Variants in SCN11A observed in about 807,000 individuals in gnomAD.
SCN11A encodes sodium channel protein type 11 subunit alpha.
Under a neutral mutation model 162.2 loss-of-function variants are expected in SCN11A, and 122 were observed. The observed-to-expected ratio is 0.75, with a 90% confidence interval of 0.65 to 0.87. SCN11A has a LOEUF of 0.87. Ranked by LOEUF, SCN11A falls within the 40% of genes least tolerant of loss-of-function variation. The probability of loss-of-function intolerance (pLI) is 0.00; values close to 1 mark genes in which losing one functional copy is unlikely to be tolerated. For synonymous variants in SCN11A, 758 were observed against 751.5 expected, an observed-to-expected ratio of 1.01 and a Z score of -0.14; for missense variants, 2,015 against 2,181.6, an observed-to-expected ratio of 0.92 and a Z score of 1.52.
chr3:38,894,023 T>C (rs78919449), intron 19 of SCN11A, among the ~76,000 whole-genome samples: 6,473 of 152,126 alleles, frequency 0.043, 477 homozygotes, highest in African/African-American at 0.15. Flanking sequence ...CAGTCTATAA[T>C]ATTTTGTTAT....
At chr3:39,027,867 A>T (rs2031630412) in intron 2 of SCN11A, among the ~76,000 whole-genome samples, 1 of 152,172 alleles carries the variant, frequency 6.6e-6, no homozygotes, top group Non-Finnish European at 1.5e-5. Flanking sequence ...TCTCCTGAAG[A>T]GGTGACATAT....
chr3:38,963,364 TATATATATATATATATATATATGATGGAG>T lies in SCN11A; in HGVS notation c.-279-2970_-279-2942del, dbSNP rs1349818441. Among the ~76,000 whole-genome samples the T allele has an allele frequency of 2.5e-3, 184 of 74,116 alleles. 2 individuals are homozygous for T. The highest frequency in any genetic ancestry group is 9.4e-3 in the African/African-American group (109 of 11,548). The allele number at this position is 74,116 out of a possible 152,430, so 48.6% of individuals were successfully genotyped here. ...TATCTATTTGATGGATATATATATA[TATATATATATATATATATATATGATGGAG>T]ATATATATATATATATATATATATG... On this transcript the variant is annotated intron_variant, in intron 2 of 29. Transcript: ENST00000302328.
chr3:38,920,138 G>C, intron 10 of SCN11A, 137 bp from the exon 11 acceptor site: 1 of 660,842 alleles, frequency 1.5e-6, no homozygotes, highest in East Asian at 2.8e-5. Context: ...TGTCCAGAGA[G>C]AAACTGGAGC....
In SCN11A at chr3:39,037,947, A is replaced by C. The variant is rs190315537; in HGVS notation, c.-403-5444T>G. 2.6e-5 allele frequency among the ~76,000 whole-genome samples: 4 copies of C among 152,246 alleles called. No homozygotes were observed. The East Asian group carries it at 7.7e-4, about 29-fold the overall frequency. On this transcript the variant is annotated intron_variant, in intron 1 of 29. Transcript: ENST00000302328. ...AATAACGAAACCAATCTTTTCATAA[A>C]GAAAATGCTAAAAAGATTGTTAAAG...
chr3:38,871,986 A>G lies in SCN11A; in HGVS notation c.3495+207T>C, dbSNP rs115579556. ...CCCCAGGATTCTGAGGCAAAGCTAC[A>G]GCTCATCTTGGCTGTCACAGAAGCT... On this transcript the variant is annotated intron_variant, in intron 24 of 29. Transcript: ENST00000302328. 3.7e-3 allele frequency among the ~76,000 whole-genome samples: 563 copies of G among 152,306 alleles called. 5 individuals are homozygous for G. The highest frequency in any genetic ancestry group is 8.7e-3 in the African/African-American group (361 of 41,578).
intron 2 of SCN11A, among the ~76,000 whole-genome samples, chr3:39,027,815 T>A (rs930399012): frequency 2.0e-4 from 30 of 152,200 alleles, no homozygotes; most frequent in African/African-American, 7.2e-4. Flanking sequence ...AGAGCTTTCT[T>A]GGGCACTTCT....
chr3:38,903,133 T>C (rs528881765), intron 16 of SCN11A, among the ~76,000 whole-genome samples: 1 of 152,334 alleles, frequency 6.6e-6, no homozygotes, highest in Non-Finnish European at 1.5e-5. Context: ...CTAGACATTC[T>C]GGTAAGGTTT....
chr3:38,972,935 ATGTAGAGC>A, intron 2 of SCN11A, among the ~76,000 whole-genome samples: 1 of 152,360 alleles, frequency 6.6e-6, no homozygotes, highest in Admixed American at 6.5e-5. Flanking sequence ...ATTTAGGAAC[ATGTAGAGC>A]TGTGTGACGG....
chr3:38,990,719 G>C (rs914549410), intron 2 of SCN11A, among the ~76,000 whole-genome samples: 1 of 152,090 alleles, frequency 6.6e-6, no homozygotes, highest in African/African-American at 2.4e-5. Context: ...CTTCGAAATA[G>C]AGTCTGCTTC....
chr3:38,881,359 G>A (rs1030460008), intron 22 of SCN11A, among the ~76,000 whole-genome samples: 4 of 152,226 alleles, frequency 2.6e-5, no homozygotes, highest in Middle Eastern at 3.4e-3. Flanking sequence ...CAGGGACTTC[G>A]TTTGTTTGCC....
At chr3:38,878,674 C>T (rs568298756) in intron 23 of SCN11A, among the ~76,000 whole-genome samples, 1 of 152,182 alleles carries the variant, frequency 6.6e-6, no homozygotes, top group East Asian at 1.9e-4. Context: ...TCTAAAATGC[C>T]TGAACCACAA....
Position 39,043,260 on chromosome 3 carries a change from G to A in SCN11A, c.-404+8601C>T, listed in dbSNP as rs554974545. On this transcript the variant is annotated intron_variant, in intron 1 of 29. Coordinates refer to ENST00000302328, the MANE Select transcript of SCN11A (RefSeq NM_001349253.2). The stretch of plus-strand genomic sequence containing the variant: ...AACCATTATGAAGAATCATTTAGCA[G>A]TCTCAAAAAACTAAAAATAGGGCTA... Among the ~76,000 whole-genome samples, 10 of 152,134 alleles carry A rather than the reference G, an allele frequency of 6.6e-5. No homozygotes were observed. In the South Asian group the frequency reaches 2.1e-3, roughly 31 times the overall value.
At chr3:38,895,808 T>C (rs906208705) in intron 18 of SCN11A, among the ~76,000 whole-genome samples, 9 of 152,140 alleles carry the variant, frequency 5.9e-5, no homozygotes, top group African/African-American at 1.7e-4. Flanking sequence ...CCACGAATCC[T>C]TTCTCGGTGC....
chr3:39,045,442 T>C (rs2032160097), intron 1 of SCN11A, among the ~76,000 whole-genome samples: 1 of 152,152 alleles, frequency 6.6e-6, no homozygotes, highest in Non-Finnish European at 1.5e-5. Flanking sequence ...GGATTACACA[T>C]GATGATCAAG....
At chr3:39,049,324 C>T (rs1018109841) in intron 1 of SCN11A, among the ~76,000 whole-genome samples, 4 of 152,248 alleles carry the variant, frequency 2.6e-5, no homozygotes, top group African/African-American at 9.6e-5. Flanking sequence ...TAGCCCATTG[C>T]ATTACTTCTT....
chr3:38,885,796 T>G (rs1044675684), intron 20 of SCN11A, among the ~76,000 whole-genome samples: 3 of 152,248 alleles, frequency 2.0e-5, no homozygotes, highest in Non-Finnish European at 4.4e-5. Context: ...CAGTGGTTCT[T>G]ATTTCTTTGG....
chr3:38,937,289 T>C (rs2066351010), intron 7 of SCN11A, among the ~76,000 whole-genome samples: 1 of 151,318 alleles, frequency 6.6e-6, no homozygotes, highest in Admixed American at 6.6e-5. Flanking sequence ...ACCTAGGCAT[T>C]ACCATTCAGG....
intron 28 of SCN11A, among the ~76,000 whole-genome samples, chr3:38,862,138 G>A (rs12630471): frequency 0.14 from 21,484 of 151,956 alleles, 1,975 homozygotes; most frequent in East Asian, 0.25. Context: ...GAAAAAAAAT[G>A]CTCAACATCA....
intron 2 of SCN11A, among the ~76,000 whole-genome samples, chr3:38,988,064 G>A (rs2125593152): frequency 6.6e-6 from 1 of 152,316 alleles, no homozygotes; most frequent in South Asian, 2.1e-4. Context: ...GAGGCTCCTT[G>A]TCCATAAATA....
Sources: allele counts gnomAD v4.1 joint callset (sites outside exome capture counted in the v4.1 genomes callset), GRCh38; gene constraint gnomAD v4.1.1; transcripts MANE v1.5; gene names NCBI Gene and HGNC (gene_info 2026-07-23, HGNC 2026-07-21).